ISY1: variants seen among roughly 807,000 people sequenced by gnomAD.
The protein encoded by ISY1 is ISY1 spliceosome associated protein.
ISY1 carries 12 observed loss-of-function variants against 54.4 expected under a neutral mutation model. The ratio of observed to expected loss-of-function variants is 0.22; its 90% CI spans 0.14 to 0.36. The LOEUF (loss-of-function observed/expected upper bound fraction) is 0.36. ISY1 is among the 10% of genes least tolerant of loss of function. The pLI, the probability that ISY1 is intolerant of heterozygous loss-of-function variation, is 1.00. For synonymous variants in ISY1, 96 were observed against 117.9 expected (o/e 0.81, Z 1.20); for missense variants, 282 against 342.2 (o/e 0.82, Z 1.39).
intron 4 of ISY1, 79 bp from the exon 5 acceptor site, chr3:129,156,754 A>G: frequency 6.4e-7 from 1 of 1,556,630 alleles, no homozygotes; most frequent in South Asian, 1.2e-5. Flanking sequence ...CAAAATTAGT[A>G]TTTAAAAATA....
At chr3:129,145,277 T>C (rs892515924) in intron 6 of ISY1, among the ~76,000 whole-genome samples, 3 of 150,214 alleles carry the variant, frequency 2.0e-5, no homozygotes, top group Admixed American at 6.7e-5. Context: ...CAGGCTGGAG[T>C]GCAGTGGCGA....
intron 9 of ISY1, 152 bp from the exon 10 acceptor site, chr3:129,130,788 AG>A: frequency 1.3e-6 from 1 of 788,852 alleles, no homozygotes; most frequent in Non-Finnish European, 1.9e-6. Flanking sequence ...CACAAGATTA[AG>A]TAAAAAAAGC....
At chr3:129,157,281 T>TA (rs573695733) in intron 3 of ISY1, among the ~76,000 whole-genome samples, 11 of 150,256 alleles carry the variant, frequency 7.3e-5, no homozygotes, top group East Asian at 3.9e-4. Context: ...TATATAAAAT[T>TA]AAAAAAAAAA....
intron 5 of ISY1, among the ~76,000 whole-genome samples, chr3:129,153,814 C>G (rs894730161): frequency 5.3e-5 from 8 of 151,782 alleles, no homozygotes; most frequent in African/African-American, 1.9e-4. Context: ...ACAAAATGAA[C>G]TATTTCTCGG....
At chr3:129,150,959 T>C (rs1325732549) in intron 5 of ISY1, among the ~76,000 whole-genome samples, 1 of 150,762 alleles carries the variant, frequency 6.6e-6, no homozygotes, top group Non-Finnish European at 1.5e-5. Flanking sequence ...ACTCTGTCTC[T>C]ACTAAAAATA....
At chr3:129,158,481 C>A in intron 3 of ISY1, 27 bp downstream of exon 3, 1 of 1,612,796 alleles carries the variant, frequency 6.2e-7, no homozygotes. Flanking sequence ...TGATACTTTA[C>A]AATTCATGAG....
At chr3:129,149,805 A>AAAT (rs57558731) in intron 5 of ISY1, among the ~76,000 whole-genome samples, 2 of 60,048 alleles carry the variant, frequency 3.3e-5, no homozygotes, top group Non-Finnish European at 6.5e-5. Flanking sequence ...AAAAAAAAAA[A>AAAT]AAAGAAAGAA....
At chr3:129,132,431 A>T (rs1030914491) in intron 9 of ISY1, among the ~76,000 whole-genome samples, 4 of 151,810 alleles carry the variant, frequency 2.6e-5, no homozygotes, top group South Asian at 4.2e-4. Context: ...CCCAGCACCC[A>T]CTCTCTGCAC....
intron 9 of ISY1, 66 bp from the exon 10 acceptor site, chr3:129,130,702 A>AAAT: frequency 6.4e-7 from 1 of 1,553,992 alleles, no homozygotes; most frequent in Non-Finnish European, 8.8e-7. Flanking sequence ...GCAACTCTAT[A>AAAT]AAACACACTA....
chr3:129,142,857 C>A (rs1936662358), intron 6 of ISY1, among the ~76,000 whole-genome samples: 1 of 152,188 alleles, frequency 6.6e-6, no homozygotes, highest in Non-Finnish European at 1.5e-5. Context: ...GAGTTCGAGA[C>A]CAGCCTGGCC....
In ISY1 at chr3:129,161,052, C is replaced by T; in HGVS notation, c.-77G>A. On this transcript the variant is annotated 5_prime_UTR_variant, in exon 1 of 11. Coordinates refer to ENST00000393295, the MANE Select transcript of ISY1 (RefSeq NM_020701.4). ...TCCACAGGCCCAGAAGACGCCGACG[C>T]TCACAGGAACTGAAGATTCCAACTA... The T allele has an allele frequency of 2.6e-6, 4 of 1,539,180 alleles. No individual in the cohort carries two copies. Among genetic ancestry groups the T allele is most frequent in the Non-Finnish European group, 3.5e-6 (4 of 1,142,724 alleles).
At position 129,134,875 on chromosome 3, in the gene ISY1, A is replaced by C; in HGVS notation, c.498T>G (p.Asp166Glu). Residue 166 changes from aspartate to glutamate, a missense_variant, in exon 8 of 11, where the codon GAT (aspartate) becomes GAG (glutamate). Physicochemically the swap from Asp to Glu is conservative, Grantham distance 45. This residue lies in a region of ISY1 where 279 missense variants were observed against 323.6 expected (regional missense o/e 0.86). Transcript: ENST00000393295. ...GTTCCAAAGGCACAATAACACCATCATCTTCATCTAGGTAACCATAGTACT... is the reference window on the plus strand; with the variant it reads ...GTTCCAAAGGCACAATAACACCATCCTCTTCATCTAGGTAACCATAGTACT... ...DFEYYGYLDE[D>E]DGVIVPLEQE... 1 of 1,611,320 alleles carries C rather than the reference A, an allele frequency of 6.2e-7. No homozygotes were observed. Among genetic ancestry groups the C allele is most frequent in the Non-Finnish European group, 8.5e-7 (1 of 1,178,076 alleles).
chr3:129,141,388 C>T (rs889577236), intron 6 of ISY1, among the ~76,000 whole-genome samples: 2 of 151,984 alleles, frequency 1.3e-5, no homozygotes, highest in Non-Finnish European at 2.9e-5. Context: ...ATCAGCCAGG[C>T]ATGGTGACAC....
intron 1 of ISY1, 21 bp downstream of exon 1, chr3:129,160,952 T>TCCCCCCCCCCCC: frequency 3.8e-6 from 1 of 260,472 alleles, no homozygotes; most frequent in Non-Finnish European, 7.6e-6. Context: ...ACTCGCTCCC[T>TCCCCCCCCCCCC]CACCCGCCCA....
intron 5 of ISY1, among the ~76,000 whole-genome samples, chr3:129,153,428 T>TA (rs1937035418): frequency 2.6e-5 from 4 of 152,306 alleles, no homozygotes; most frequent in African/African-American, 9.6e-5. Context: ...GTAGGAGGCT[T>TA]AGCACATCCC....
Position 129,156,679 on chromosome 3 carries a change from T to A in ISY1, c.145-4A>T, listed in dbSNP as rs753128099. 1.2e-6 allele frequency: 2 copies of A among 1,603,018 alleles called. No homozygotes were observed. The highest frequency in any genetic ancestry group is 2.7e-5 in the African/African-American group (2 of 74,506). Reference sequence around the variant, plus strand: ...TTTTAGAGATCTCTCCAATGATCTATTAAAAAAAAGTAATACATTTTAATA... The same window carrying A: ...TTTTAGAGATCTCTCCAATGATCTAATAAAAAAAAGTAATACATTTTAATA... On this transcript the variant is annotated splice_polypyrimidine_tract_variant and splice_region_variant and intron_variant, in intron 4 of 10. Coordinates refer to ENST00000393295, the MANE Select transcript of ISY1 (RefSeq NM_020701.4).
In ISY1 at chr3:129,145,837, T is replaced by C; in HGVS notation, c.224A>G (p.Asp75Gly). 6.2e-7 allele frequency: 1 copy of C among 1,614,186 alleles called. No homozygotes were observed. The highest frequency in any genetic ancestry group is 8.5e-7 in the Non-Finnish European group (1 of 1,180,028). The change falls in exon 6 of 11, where the codon GAT becomes GGT. Residue 75 changes from aspartate to glycine, a missense_variant. Physicochemically the swap from Asp to Gly is moderately conservative, Grantham distance 94. Coordinates refer to ENST00000393295, the MANE Select transcript of ISY1 (RefSeq NM_020701.4). ...LGEFRIRDLN[D>G]EINKLLREKG... Reference sequence around the variant, plus strand: ...CTCCCTTAGCAGCTTGTTAATTTCATCATTCAGGTCACGAATTCGAAATTC... The same window carrying C: ...CTCCCTTAGCAGCTTGTTAATTTCACCATTCAGGTCACGAATTCGAAATTC...
At chr3:129,138,238 G>A (rs760570175) in intron 7 of ISY1, among the ~76,000 whole-genome samples, 5 of 146,298 alleles carry the variant, frequency 3.4e-5, no homozygotes, top group African/African-American at 1.3e-4. Flanking sequence ...CCGAGATTGC[G>A]TCACTGTACT....
chr3:129,151,181 A>AAATATATAAAAATATATATATG (rs1936958818), intron 5 of ISY1, among the ~76,000 whole-genome samples: 2 of 147,700 alleles, frequency 1.4e-5, no homozygotes, highest in Non-Finnish European at 3.0e-5. Context: ...AAATATATAT[A>AAATATATAAAAATATATATATG]AATATATAAA....
Sources: allele counts gnomAD v4.1 joint callset (sites outside exome capture counted in the v4.1 genomes callset), GRCh38; gene constraint gnomAD v4.1.1; regional missense constraint gnomAD v4.1.1; transcripts MANE v1.5; gene names NCBI Gene and HGNC (gene_info 2026-07-23, HGNC 2026-07-21).